The following CETN1 variants were observed in gnomAD, a reference collection of about 807,000 sequenced individuals.
CETN1 encodes the protein centrin-1.
CETN1 carries 6 observed loss-of-function variants against 8.1 expected under a neutral mutation model. That is an observed-to-expected ratio of 0.74 (90% CI 0.40 to 1.46). CETN1 has a LOEUF of 1.46. Ranked by LOEUF, CETN1 falls within the 40% of genes most tolerant of loss-of-function variation. The pLI is 0.02. For missense variants in CETN1, 215 were observed against 226.2 expected (o/e 0.95, Z 0.32); for synonymous variants, 99 against 90.3 (o/e 1.10, Z -0.55).
At position 581,088 on chromosome 18, in the gene CETN1, T is replaced by C. The variant is rs1296722703; in HGVS notation, c.*161T>C. 1.3e-6 allele frequency: 1 copy of C among 790,722 alleles called. No homozygotes were observed. 49.0% of individuals were successfully genotyped at this position (790,722 alleles called of 1,614,324 possible). ...TTCAATAATAGAATTTGAAAGATGCTTGTAATGTGAGTTTTGGGTTTTAAT... is the reference window on the plus strand; with the variant it reads ...TTCAATAATAGAATTTGAAAGATGCCTGTAATGTGAGTTTTGGGTTTTAAT... On this transcript the variant is annotated 3_prime_UTR_variant, in exon 1 of 1. Coordinates refer to ENST00000327228, the MANE Select transcript of CETN1 (RefSeq NM_004066.3).
chr18:580,714 C>T lies in CETN1; in HGVS notation c.306C>T (p.Thr102=). 1.9e-6 allele frequency: 3 copies of T among 1,613,790 alleles called. No homozygotes were observed. In the South Asian group the frequency reaches 3.3e-5, roughly 18 times the overall value. ...CGCAGAAGATGTCCGAGAAGGACAC[C>T]AAAGAAGAAATCCTGAAGGCCTTCA... ...VMTQKMSEKD[T]KEEILKAFRL... Residue 102 remains threonine, a synonymous_variant, in exon 1 of 1, where the codon ACC becomes ACT. Coordinates refer to ENST00000327228, the MANE Select transcript of CETN1 (RefSeq NM_004066.3). The surrounding 1 kb of genome is among the most constrained non-coding windows in gnomAD (Gnocchi z 6.1).
rs1416477270 is a variant in CETN1 at position 581,718 on chromosome 18, C to A, written c.*791C>A. ...TTAGTTTAGGAAATTATAACAAATA[C>A]CTTAATATAACATTTTAAGCTACTT... On this transcript the variant is annotated 3_prime_UTR_variant, in exon 1 of 1. Coordinates refer to ENST00000327228, the MANE Select transcript of CETN1 (RefSeq NM_004066.3). The A allele has an allele frequency of 1.2e-5, 2 of 166,364 alleles. No homozygotes were observed. The highest frequency in any genetic ancestry group is 6.5e-5 in the Admixed American group (1 of 15,272). 10.3% of individuals were successfully genotyped at this position (166,364 alleles called of 1,614,324 possible). A position where few individuals can be genotyped will look rare whatever the true frequency, so the allele number is the denominator to read the frequency against.
chr18:580,509 G>A lies in CETN1; in HGVS notation c.101G>A (p.Arg34Gln). ...ELTEDQKQEV[R>Q]EAFDLFDVDG... ...ACTGAGGATCAGAAGCAAGAAGTTC[G>A]GGAAGCATTTGACCTCTTCGACGTG... The change falls in exon 1 of 1, where the codon CGG (arginine) becomes CAG (glutamine). Residue 34 changes from arginine to glutamine, a missense_variant. Arg to Gln is a conservative substitution (Grantham distance 43). Transcript: ENST00000327228. The surrounding 1 kb of genome is among the most constrained non-coding windows in gnomAD (Gnocchi z 6.1). 1 of 1,614,154 alleles carries A rather than the reference G, an allele frequency of 6.2e-7. No individual in the cohort carries two copies.
At position 580,474 on chromosome 18, in the gene CETN1, G is replaced by C. The variant is rs1368318703; in HGVS notation, c.66G>C (p.Lys22Asn). 1.2e-6 allele frequency: 2 copies of C among 1,613,532 alleles called. No homozygotes were observed. Among genetic ancestry groups the C allele is most frequent in the African/African-American group, 1.3e-5 (1 of 74,922 alleles). ...STGQKRKVAP[K>N]PELTEDQKQE... is the part of the protein sequence containing the mutation. ...GCCAAAAGAGAAAGGTGGCACCTAA[G>C]CCCGAGCTCACTGAGGATCAGAAGC... The change falls in exon 1 of 1, where the codon AAG becomes AAC. Residue 22 changes from lysine to asparagine, a missense_variant. By Grantham distance (94) the Lys-to-Asn change is moderately conservative. Transcript: ENST00000327228. This position sits in a 1 kb window ranked among gnomAD's most constrained non-coding sequence, Gnocchi z 6.1.
Position 580,413 on chromosome 18 carries a change from C to A in CETN1, c.5C>A (p.Ala2Asp). The A allele has an allele frequency of 6.4e-7, 1 of 1,556,018 alleles. No individual in the cohort carries two copies. Among genetic ancestry groups the A allele is most frequent in the Non-Finnish European group, 8.7e-7 (1 of 1,154,780 alleles). The stretch of plus-strand genomic sequence containing the variant: ...CACGGCGGCCAGAGCGGCAGGATGG[C>A]TTCCGGCTTCAAGAAGCCCAGCGCT... M[A>D]SGFKKPSAAS... Residue 2 changes from alanine to aspartate, a missense_variant, in exon 1 of 1, where the codon GCT becomes GAT. Transcript: ENST00000327228. This position sits in a 1 kb window ranked among gnomAD's most constrained non-coding sequence, Gnocchi z 6.1.
Position 581,025 on chromosome 18 carries a change from C to A in CETN1, c.*98C>A. ...TGCCTGTCCCTTCTTCACCCCCTCA[C>A]CCCCATAATTTGTCTAGATCTATTT... On this transcript the variant is annotated 3_prime_UTR_variant, in exon 1 of 1. Coordinates refer to ENST00000327228, the MANE Select transcript of CETN1 (RefSeq NM_004066.3). The A allele has an allele frequency of 7.9e-7, 1 of 1,265,854 alleles. No homozygotes were observed. Among genetic ancestry groups the A allele is most frequent in the Non-Finnish European group, 1.1e-6 (1 of 911,182 alleles). The allele number at this position is 1,265,854 out of a possible 1,614,324, so 78.4% of individuals were successfully genotyped here.
rs1166980357 is a variant in CETN1, at chr18:581,009, C to T, written c.*82C>T. 4 of 1,407,598 alleles carry T rather than the reference C, an allele frequency of 2.8e-6. No homozygotes were observed. Among genetic ancestry groups the T allele is most frequent in the South Asian group, 1.4e-5 (1 of 71,710 alleles). 87.2% of individuals were successfully genotyped at this position (1,407,598 alleles called of 1,614,324 possible). A position where few individuals can be genotyped will look rare whatever the true frequency, so the allele number is the denominator to read the frequency against. ...CTTAGAGGACAGCGGCTGCCTGTCC[C>T]TTCTTCACCCCCTCACCCCCATAAT... On this transcript the variant is annotated 3_prime_UTR_variant, in exon 1 of 1. Transcript: ENST00000327228.
In CETN1 at chr18:580,735, C is replaced by T. The variant is rs765505926; in HGVS notation, c.327C>T (p.Ala109=). The stretch of plus-strand genomic sequence containing the variant: ...ACACCAAAGAAGAAATCCTGAAGGC[C>T]TTCAGGCTCTTTGATGACGATGAGA... The part of the protein sequence containing the change: ...EKDTKEEILK[A]FRLFDDDETG... Residue 109 remains alanine, a synonymous_variant, in exon 1 of 1, where the codon GCC becomes GCT. Transcript: ENST00000327228. The surrounding 1 kb of genome is among the most constrained non-coding windows in gnomAD (Gnocchi z 6.1). The T allele has an allele frequency of 2.5e-6, 4 of 1,613,980 alleles. No homozygotes were observed. In the South Asian group the frequency reaches 3.3e-5, roughly 13 times the overall value.
At position 580,706 on chromosome 18, in the gene CETN1, A is replaced by T. The variant is rs949045846; in HGVS notation, c.298A>T (p.Lys100Ter). ...LAVMTQKMSE[K>*]DTKEEILKAF... Reference sequence around the variant, plus strand: ...CGTGATGACGCAGAAGATGTCCGAGAAGGACACCAAAGAAGAAATCCTGAA... The same window carrying T: ...CGTGATGACGCAGAAGATGTCCGAGTAGGACACCAAAGAAGAAATCCTGAA... Residue 100 changes from lysine (K) to a stop codon, truncating the protein, a stop_gained, in exon 1 of 1, where the codon AAG becomes TAG. Coordinates refer to ENST00000327228, the MANE Select transcript of CETN1 (RefSeq NM_004066.3). LOFTEE classifies it high-confidence loss of function. This position sits in a 1 kb window ranked among gnomAD's most constrained non-coding sequence, Gnocchi z 6.1. 34 of 1,613,910 alleles carry T rather than the reference A, an allele frequency of 2.1e-5. No individual in the cohort carries two copies. Among genetic ancestry groups the T allele is most frequent in the Non-Finnish European group, 2.7e-5 (32 of 1,180,002 alleles).
Position 580,529 on chromosome 18 carries a change from G to T in CETN1, c.121G>T (p.Asp41Tyr). 1 of 1,614,192 alleles carries T rather than the reference G, an allele frequency of 6.2e-7. No homozygotes were observed. Among genetic ancestry groups the T allele is most frequent in the Non-Finnish European group, 8.5e-7 (1 of 1,180,036 alleles). ...QEVREAFDLF[D>Y]VDGSGTIDAK... Reference sequence around the variant, plus strand: ...AGTTCGGGAAGCATTTGACCTCTTCGACGTGGACGGAAGTGGGACCATCGA... The same window carrying T: ...AGTTCGGGAAGCATTTGACCTCTTCTACGTGGACGGAAGTGGGACCATCGA... Residue 41 changes from aspartate to tyrosine, a missense_variant, in exon 1 of 1, where the codon GAC (aspartate) becomes TAC (tyrosine). Physicochemically the swap from Asp to Tyr is radical, Grantham distance 160. Transcript: ENST00000327228. This position sits in a 1 kb window ranked among gnomAD's most constrained non-coding sequence, Gnocchi z 6.1.
chr18:580,491 A>T lies in CETN1; in HGVS notation c.83A>T (p.Asp28Val). ...KVAPKPELTE[D>V]QKQEVREAFD... ...GCACCTAAGCCCGAGCTCACTGAGG[A>T]TCAGAAGCAAGAAGTTCGGGAAGCA... The change falls in exon 1 of 1, where the codon GAT becomes GTT. Residue 28 changes from aspartate to valine, a missense_variant. By Grantham distance (152) the Asp-to-Val change is radical. Transcript: ENST00000327228. This position sits in a 1 kb window ranked among gnomAD's most constrained non-coding sequence, Gnocchi z 6.1. The T allele has an allele frequency of 1.2e-6, 2 of 1,614,164 alleles. No individual in the cohort carries two copies. Among genetic ancestry groups the T allele is most frequent in the Non-Finnish European group, 1.7e-6 (2 of 1,180,006 alleles).
At position 580,698 on chromosome 18, in the gene CETN1, T is replaced by A; in HGVS notation, c.290T>A (p.Met97Lys). The change falls in exon 1 of 1, where the codon ATG becomes AAG. Residue 97 changes from methionine to lysine, a missense_variant. Physicochemically the swap from Met to Lys is moderately conservative, Grantham distance 95. Transcript: ENST00000327228. The surrounding 1 kb of genome is among the most constrained non-coding windows in gnomAD (Gnocchi z 6.1). ...TTCCTGGCCGTGATGACGCAGAAGA[T>A]GTCCGAGAAGGACACCAAAGAAGAA... The part of the protein sequence containing the change: ...NDFLAVMTQK[M>K]SEKDTKEEIL... 6.2e-7 allele frequency: 1 copy of A among 1,613,880 alleles called. No individual in the cohort carries two copies. Among genetic ancestry groups the A allele is most frequent in the Non-Finnish European group, 8.5e-7 (1 of 1,180,002 alleles).
chr18:580,946 A>C lies in CETN1; in HGVS notation c.*19A>C. The C allele has an allele frequency of 1.3e-6, 2 of 1,590,722 alleles. No individual in the cohort carries two copies. The highest frequency in any genetic ancestry group is 1.3e-5 in the African/African-American group (1 of 74,252). Reference sequence around the variant, plus strand: ...TTACTGAAGTCGGTTCAGAAGCTAAAGTGACTCTCTGGGTTGCCTGCTTCC... The same window carrying C: ...TTACTGAAGTCGGTTCAGAAGCTAACGTGACTCTCTGGGTTGCCTGCTTCC... On this transcript the variant is annotated 3_prime_UTR_variant, in exon 1 of 1. Coordinates refer to ENST00000327228, the MANE Select transcript of CETN1 (RefSeq NM_004066.3). The surrounding 1 kb of genome is among the most constrained non-coding windows in gnomAD (Gnocchi z 6.1).
rs924158673 is a variant in CETN1 at position 581,707 on chromosome 18, T to G, written c.*780T>G. On this transcript the variant is annotated 3_prime_UTR_variant, in exon 1 of 1. Coordinates refer to ENST00000327228, the MANE Select transcript of CETN1 (RefSeq NM_004066.3). ...AATGTAGGATCTTAGTTTAGGAAATTATAACAAATACCTTAATATAACATT... is the reference window on the plus strand; with the variant it reads ...AATGTAGGATCTTAGTTTAGGAAATGATAACAAATACCTTAATATAACATT... The G allele has an allele frequency of 1.2e-5, 2 of 166,612 alleles. No homozygotes were observed. Among genetic ancestry groups the G allele is most frequent in the African/African-American group, 4.8e-5 (2 of 41,464 alleles). 10.3% of individuals were successfully genotyped at this position (166,612 alleles called of 1,614,324 possible). A position where few individuals can be genotyped will look rare whatever the true frequency, so the allele number is the denominator to read the frequency against.
chr18:580,434 G>A lies in CETN1; in HGVS notation c.26G>A (p.Ser9Asn), dbSNP rs2072542853. 1 of 1,581,886 alleles carries A rather than the reference G, an allele frequency of 6.3e-7. No homozygotes were observed. The highest frequency in any genetic ancestry group is 1.8e-5 in the Admixed American group (1 of 54,544). Reference protein sequence around the residue: MASGFKKPSAASTGQKRKV... With the variant: MASGFKKPNAASTGQKRKV... ...ATGGCTTCCGGCTTCAAGAAGCCCAGCGCTGCCTCCACCGGCCAAAAGAGA... is the reference window on the plus strand; with the variant it reads ...ATGGCTTCCGGCTTCAAGAAGCCCAACGCTGCCTCCACCGGCCAAAAGAGA... The change falls in exon 1 of 1, where the codon AGC becomes AAC. Residue 9 changes from serine to asparagine, a missense_variant. By Grantham distance (46) the Ser-to-Asn change is conservative. Transcript: ENST00000327228. This position sits in a 1 kb window ranked among gnomAD's most constrained non-coding sequence, Gnocchi z 6.1.
At position 580,616 on chromosome 18, in the gene CETN1, A is replaced by C. The variant is rs765270566; in HGVS notation, c.208A>C (p.Lys70Gln). The change falls in exon 1 of 1, where the codon AAG becomes CAG. Residue 70 changes from lysine (K) to glutamine (Q), a missense_variant. Transcript: ENST00000327228. The surrounding 1 kb of genome is among the most constrained non-coding windows in gnomAD (Gnocchi z 6.1). ...LGFEPRKEEM[K>Q]KMISEVDREG... ...CTTCGAACCCAGGAAGGAAGAGATG[A>C]AGAAAATGATCTCCGAGGTGGACAG... 1.3e-5 allele frequency: 21 copies of C among 1,614,032 alleles called. No homozygotes were observed. The highest frequency in any genetic ancestry group is 3.3e-5 in the Admixed American group (2 of 60,012).
At position 580,833 on chromosome 18, in the gene CETN1, T is replaced by G. The variant is rs761125270; in HGVS notation, c.425T>G (p.Leu142Arg). The change falls in exon 1 of 1, where the codon CTG (leucine) becomes CGG (arginine). Residue 142 changes from leucine (L) to arginine (R), a missense_variant. By Grantham distance (102) the Leu-to-Arg change is moderately radical. Coordinates refer to ENST00000327228, the MANE Select transcript of CETN1 (RefSeq NM_004066.3). This position sits in a 1 kb window ranked among gnomAD's most constrained non-coding sequence, Gnocchi z 6.1. ...GGGGAGAACCTCACGGATGAGGAGC[T>G]GCAGGAGATGATCGACGAAGCTGAT... Reference protein sequence around the residue: ...ELGENLTDEELQEMIDEADRD... With the variant: ...ELGENLTDEERQEMIDEADRD... The G allele has an allele frequency of 1.1e-5, 17 of 1,614,030 alleles. 1 individual carries two copies. The East Asian group carries it at 3.3e-4, about 32-fold the overall frequency.
Position 581,238 on chromosome 18 carries a change from G to T in CETN1, c.*311G>T. ...GATCTGGAGGCAGGACAGCTTCTGG[G>T]ACACACAAAAATGTGGTTCCCTTTG... On this transcript the variant is annotated 3_prime_UTR_variant, in exon 1 of 1. Transcript: ENST00000327228. The T allele has an allele frequency of 3.7e-6, 1 of 269,832 alleles. No individual in the cohort carries two copies. The highest frequency in any genetic ancestry group is 7.4e-6 in the Non-Finnish European group (1 of 134,344). 16.7% of individuals were successfully genotyped at this position (269,832 alleles called of 1,614,324 possible). A position where few individuals can be genotyped will look rare whatever the true frequency, so the allele number is the denominator to read the frequency against.
In CETN1 at chr18:581,890, T is replaced by C. The variant is rs922323297; in HGVS notation, c.*963T>C. 5 of 167,044 alleles carry C rather than the reference T, an allele frequency of 3.0e-5. No homozygotes were observed. The highest frequency in any genetic ancestry group is 1.2e-4 in the African/African-American group (5 of 41,458). The allele number at this position is 167,044 out of a possible 1,614,324, so 10.3% of individuals were successfully genotyped here. ...TACTTGACTTTTAGCCCCTCTGACA[T>C]ATAGTTGATGTCAGAGTGTCTGGCA... is the stretch of plus-strand genomic sequence containing the variant. On this transcript the variant is annotated 3_prime_UTR_variant, in exon 1 of 1. Transcript: ENST00000327228.
Sources: allele counts gnomAD v4.1 joint callset, GRCh38; gene constraint gnomAD v4.1.1; non-coding constraint Gnocchi (gnomAD v3.1); transcripts MANE v1.5; gene names NCBI Gene and HGNC (gene_info 2026-07-23, HGNC 2026-07-21).